UNC5D: variants seen among roughly 807,000 people sequenced by gnomAD.
UNC5D encodes netrin receptor UNC5D.
Under a neutral mutation model 105.4 loss-of-function variants are expected in UNC5D, and 39 were observed. That is an observed-to-expected ratio of 0.37 (90% CI 0.29 to 0.48). UNC5D has a LOEUF of 0.48. Ranked by LOEUF, UNC5D falls within the 20% of genes least tolerant of loss-of-function variation. The pLI is 0.98. For synonymous variants in UNC5D, 452 were observed against 450.4 expected, an observed-to-expected ratio of 1.00 and a Z score of -0.04; for missense variants, 991 against 1,202.4, an observed-to-expected ratio of 0.82 and a Z score of 2.60.
At chr8:35,577,522 T>A (rs1563553211) in intron 3 of UNC5D, among the ~76,000 whole-genome samples, 1 of 152,182 alleles carries the variant, frequency 6.6e-6, no homozygotes, top group Non-Finnish European at 1.5e-5. Context: ...TAGCAAAGAT[T>A]ATAGCTCATG....
chr8:35,380,539 CTT>C (rs754458979), intron 1 of UNC5D, among the ~76,000 whole-genome samples: 2 of 151,992 alleles, frequency 1.3e-5, no homozygotes, highest in Admixed American at 1.3e-4. Context: ...ATGCTGAAAT[CTT>C]TTTCCAAGAG....
At chr8:35,637,539 G>A (rs1204868603) in intron 4 of UNC5D, among the ~76,000 whole-genome samples, 4 of 152,126 alleles carry the variant, frequency 2.6e-5, no homozygotes, top group Non-Finnish European at 5.9e-5. Flanking sequence ...CAGAGTTCAC[G>A]TTTTCATGAG....
At chr8:35,734,782 A>ATTTTTTTTTTTTTTT (rs1171276656) in intron 11 of UNC5D, among the ~76,000 whole-genome samples, 1 of 126,724 alleles carries the variant, frequency 7.9e-6, no homozygotes, top group African/African-American at 3.2e-5. Flanking sequence ...CACACTTTAA[A>ATTTTTTTTTTTTTTT]TTTTTTTTTT....
intron 4 of UNC5D, among the ~76,000 whole-genome samples, chr8:35,641,798 T>G (rs921998602): frequency 2.0e-5 from 3 of 152,106 alleles, no homozygotes; most frequent in Non-Finnish European, 4.4e-5. Flanking sequence ...AACAATATAT[T>G]TATTTCAAAC....
At chr8:35,238,900 C>G (rs1279670189) in intron 1 of UNC5D, among the ~76,000 whole-genome samples, 1 of 152,162 alleles carries the variant, frequency 6.6e-6, no homozygotes, top group East Asian at 1.9e-4. Flanking sequence ...ATAGTCATTT[C>G]TACCTTAATG....
chr8:35,554,664 G>A (rs182242140), intron 2 of UNC5D, among the ~76,000 whole-genome samples: 2 of 152,304 alleles, frequency 1.3e-5, no homozygotes, highest in East Asian at 3.9e-4. Flanking sequence ...GGCCTGTGGG[G>A]AGCTGGAGTT....
chr8:35,724,434 A>G (rs1828748130), intron 9 of UNC5D: 1 of 896,986 alleles, frequency 1.1e-6, no homozygotes, highest in Non-Finnish European at 1.6e-6. Flanking sequence ...AGCCTTTTAA[A>G]TAGAATGCCA....
At chr8:35,784,488 C>T (rs892281478) in intron 16 of UNC5D, among the ~76,000 whole-genome samples, 6 of 152,158 alleles carry the variant, frequency 3.9e-5, no homozygotes, top group African/African-American at 1.4e-4. Flanking sequence ...ACAGCTGAGA[C>T]TTGTAAACTC....
intron 1 of UNC5D, among the ~76,000 whole-genome samples, chr8:35,497,671 G>T (rs554129365): frequency 4.8e-4 from 73 of 152,066 alleles, no homozygotes; most frequent in African/African-American, 1.6e-3. Flanking sequence ...AAAAGACGGG[G>T]GAATAATTAT....
rs1386264198 is a variant in UNC5D, at chr8:35,766,913, C to T, written c.2325C>T (p.Phe775=). ...CGTCTCCCCTGCAGGAAGTCCCGTT[C>T]TCCCGCGTGTGGTGCAGTAACCGGC... ...KPFTACQEVP[F]SRVWCSNRQP... The change falls in exon 15 of 17, where the codon TTC becomes TTT. Residue 775 remains phenylalanine, a synonymous_variant. Coordinates refer to ENST00000404895, the MANE Select transcript of UNC5D (RefSeq NM_080872.4). 6.2e-7 allele frequency: 1 copy of T among 1,612,264 alleles called. No homozygotes were observed. Among genetic ancestry groups the T allele is most frequent in the African/African-American group, 1.3e-5 (1 of 74,890 alleles).
intron 4 of UNC5D, among the ~76,000 whole-genome samples, chr8:35,615,050 G>T (rs1427483690): frequency 2.9e-4 from 5 of 17,334 alleles, no homozygotes; most frequent in African/African-American, 5.9e-4. Context: ...CCCCCCCCCC[G>T]TCCCCCACCC....
chr8:35,510,743 T>C (rs1244291647), intron 1 of UNC5D, among the ~76,000 whole-genome samples: 1 of 152,182 alleles, frequency 6.6e-6, no homozygotes, highest in African/African-American at 2.4e-5. Context: ...AGGAGGAAGC[T>C]TTCTACATTT....
intron 4 of UNC5D, among the ~76,000 whole-genome samples, chr8:35,644,234 G>C (rs779423241): frequency 6.6e-6 from 1 of 152,128 alleles, no homozygotes; most frequent in Non-Finnish European, 1.5e-5. Context: ...CAGTAAGTGG[G>C]AAGGGAGGGT....
chr8:35,589,482 G>A (rs573914592), intron 3 of UNC5D, among the ~76,000 whole-genome samples: 2 of 147,896 alleles, frequency 1.4e-5, no homozygotes, highest in African/African-American at 2.5e-5. Context: ...AATAATAACT[G>A]TACTGAGATA....
chr8:35,759,325 G>A lies in UNC5D; in HGVS notation c.2169G>A (p.Val723=), dbSNP rs1225142312. Residue 723 remains valine, a synonymous_variant, in exon 14 of 17, where the codon GTG becomes GTA. Coordinates refer to ENST00000404895, the MANE Select transcript of UNC5D (RefSeq NM_080872.4). The part of the protein sequence containing the change: ...VDNTPCAFQE[V]VSDERHQGGQ... ...TTCTTTTTCTTCTCCTATAGGAAGT[G>A]GTTTCAGATGAAAGGCATCAAGGTG... 3 of 1,612,684 alleles carry A rather than the reference G, an allele frequency of 1.9e-6. No individual in the cohort carries two copies. The highest frequency in any genetic ancestry group is 2.2e-5 in the East Asian group (1 of 44,856).
chr8:35,548,884 T>C (rs767582340), intron 1 of UNC5D, among the ~76,000 whole-genome samples: 1 of 152,190 alleles, frequency 6.6e-6, no homozygotes, highest in African/African-American at 2.4e-5. Context: ...CACATACATG[T>C]GTGGGAGAAC....
intron 1 of UNC5D, among the ~76,000 whole-genome samples, chr8:35,279,980 C>A (rs917815124): frequency 2.6e-5 from 4 of 152,078 alleles, no homozygotes; most frequent in Non-Finnish European, 5.9e-5. Flanking sequence ...TTATAAAGAA[C>A]TACCTTTACT....
intron 4 of UNC5D, among the ~76,000 whole-genome samples, chr8:35,599,639 G>A (rs960391863): frequency 6.6e-5 from 10 of 152,226 alleles, no homozygotes; most frequent in African/African-American, 1.7e-4. Context: ...AATGTAAAAT[G>A]CATTAGACAA....
chr8:35,283,408 A>G lies in UNC5D; in HGVS notation c.103+47521A>G, dbSNP rs181377582. On this transcript the variant is annotated intron_variant, in intron 1 of 16. Transcript: ENST00000404895. ...CCCTATTAGTGAGGCACGTCATGTC[A>G]CATTACAAATTAGCAGAGGTCCTCA... Among the ~76,000 whole-genome samples, 4 of 152,250 alleles carry G rather than the reference A, an allele frequency of 2.6e-5. No individual in the cohort carries two copies. The East Asian group carries it at 7.7e-4, about 29-fold the overall frequency.
Sources: gnomAD v4.1 joint callset for allele counts (sites outside exome capture counted in the v4.1 genomes callset) on GRCh38, gnomAD v4.1.1 for gene constraint, MANE v1.5 for transcripts, NCBI Gene and HGNC (gene_info 2026-07-23, HGNC 2026-07-21) for gene names.